Variants in ATP11B observed in about 807,000 individuals in gnomAD.
ATP11B encodes ATPase phospholipid transporting 11B (putative).
In ATP11B, 81 loss-of-function variants were observed where a neutral mutation model predicts 157.8. The ratio of observed to expected loss-of-function variants is 0.51; its 90% CI spans 0.43 to 0.62. The LOEUF is 0.62. ATP11B is among the 20% of genes least tolerant of loss of function. The pLI, the probability that ATP11B is intolerant of heterozygous loss-of-function variation, is 0.00. For missense variants in ATP11B, 1,165 were observed against 1,402.2 expected, an observed-to-expected ratio of 0.83 and a Z score of 2.70; for synonymous variants, 451 against 469.4, an observed-to-expected ratio of 0.96 and a Z score of 0.51.
At chr3:182,871,135 CA>C (rs899201722) in intron 17 of ATP11B, among the ~76,000 whole-genome samples, 18 of 151,592 alleles carry the variant, frequency 1.2e-4, no homozygotes, top group Non-Finnish European at 2.5e-4. Flanking sequence ...CCCATCTCTA[CA>C]AAAAAATAAA....
At chr3:182,889,196 A>G (rs1723003435) in intron 24 of ATP11B, among the ~76,000 whole-genome samples, 1 of 152,182 alleles carries the variant, frequency 6.6e-6, no homozygotes, top group Admixed American at 6.5e-5. Flanking sequence ...AATATGTTTG[A>G]ATGTAGTATG....
At chr3:182,906,608 C>G (rs1204784659) in intron 28 of ATP11B, among the ~76,000 whole-genome samples, 1 of 152,062 alleles carries the variant, frequency 6.6e-6, no homozygotes, top group East Asian at 1.9e-4. Flanking sequence ...TCCCACCATG[C>G]CCAGGTAGTT....
At chr3:182,857,301 A>T (rs1720478314) in intron 10 of ATP11B, among the ~76,000 whole-genome samples, 1 of 151,970 alleles carries the variant, frequency 6.6e-6, no homozygotes, top group African/African-American at 2.4e-5. Flanking sequence ...GCCCGTCACC[A>T]CGCCCAGCTA....
chr3:182,890,808 G>C (rs946871230), intron 25 of ATP11B, among the ~76,000 whole-genome samples: 3 of 152,136 alleles, frequency 2.0e-5, no homozygotes, highest in Non-Finnish European at 4.4e-5. Flanking sequence ...TCGCATGTTA[G>C]AAAATTAACC....
chr3:182,848,617 T>C, intron 10 of ATP11B, 60 bp downstream of exon 10: 1 of 838,856 alleles, frequency 1.2e-6, no homozygotes, highest in Non-Finnish European at 1.7e-6. Context: ...TTTATTCGTT[T>C]GGTATAAAAT....
intron 3 of ATP11B, among the ~76,000 whole-genome samples, chr3:182,828,475 G>A (rs1392138228): frequency 1.3e-5 from 2 of 151,982 alleles, no homozygotes; most frequent in South Asian, 2.1e-4. Flanking sequence ...AGCTAAGAGT[G>A]TAACCTAATA....
At chr3:182,916,978 A>G (rs1442272804) in intron 29 of ATP11B, 1 of 983,878 alleles carries the variant, frequency 1.0e-6, no homozygotes, top group East Asian at 1.1e-4. Flanking sequence ...AATATATGTC[A>G]GACACAGTTC....
chr3:182,802,640 T>C (rs1359998225), intron 1 of ATP11B, among the ~76,000 whole-genome samples: 1 of 152,200 alleles, frequency 6.6e-6, no homozygotes, highest in Admixed American at 6.5e-5. Flanking sequence ...TATTGCGTTA[T>C]TCATGAGTGA....
chr3:182,827,981 A>G, intron 2 of ATP11B, 139 bp from the exon 3 acceptor site: 1 of 367,572 alleles, frequency 2.7e-6, no homozygotes, highest in Non-Finnish European at 5.0e-6. Flanking sequence ...TCTAAAAGCC[A>G]GATGGTTTCT....
At chr3:182,799,635 G>A (rs964628471) in intron 1 of ATP11B, among the ~76,000 whole-genome samples, 1 of 152,116 alleles carries the variant, frequency 6.6e-6, no homozygotes, top group East Asian at 1.9e-4. Context: ...TACTAGAAAT[G>A]TGCATTTTTA....
chr3:182,814,096 C>G (rs555978703), intron 1 of ATP11B, among the ~76,000 whole-genome samples: 75 of 151,808 alleles, frequency 4.9e-4, no homozygotes, highest in African/African-American at 1.8e-3. Flanking sequence ...GAGTTTTGCT[C>G]TTGTCACCCA....
At chr3:182,822,123 TA>T (rs1717394053) in intron 2 of ATP11B, among the ~76,000 whole-genome samples, 1 of 151,186 alleles carries the variant, frequency 6.6e-6, no homozygotes. Context: ...TTTTTTTTTT[TA>T]AATTATTATT....
chr3:182,917,074 A>G (rs1178295426), intron 29 of ATP11B: 3 of 985,246 alleles, frequency 3.0e-6, no homozygotes, highest in East Asian at 2.3e-4. Context: ...TAGTCGAATT[A>G]AAGTTGAGCT....
At chr3:182,829,222 A>G (rs1249096099) in intron 3 of ATP11B, among the ~76,000 whole-genome samples, 1 of 152,208 alleles carries the variant, frequency 6.6e-6, no homozygotes, top group Non-Finnish European at 1.5e-5. Context: ...GTAAAGGAAC[A>G]TCATTTTCCT....
chr3:182,887,096 T>C (rs949775272), intron 23 of ATP11B, among the ~76,000 whole-genome samples: 1 of 152,168 alleles, frequency 6.6e-6, no homozygotes, highest in Non-Finnish European at 1.5e-5. Flanking sequence ...TGTGACTGTT[T>C]AGAGGAGCAA....
intron 3 of ATP11B, among the ~76,000 whole-genome samples, chr3:182,828,455 C>T (rs1717876741): frequency 6.6e-6 from 1 of 151,952 alleles, no homozygotes; most frequent in Non-Finnish European, 1.5e-5. Flanking sequence ...CTTAGATTAA[C>T]CATAATCTTA....
At chr3:182,841,651 A>G (rs747714361) in intron 7 of ATP11B, among the ~76,000 whole-genome samples, 1 of 152,246 alleles carries the variant, frequency 6.6e-6, no homozygotes, top group Non-Finnish European at 1.5e-5. Flanking sequence ...TGGACCATTC[A>G]TATATACAAA....
chr3:182,897,555 G>T, intron 27 of ATP11B, 149 bp downstream of exon 27: 1 of 484,880 alleles, frequency 2.1e-6, no homozygotes, highest in Non-Finnish European at 3.5e-6. Context: ...GATATGGAGA[G>T]GAAAAAACTA....
At chr3:182,812,095 A>T (rs1185010415) in intron 1 of ATP11B, among the ~76,000 whole-genome samples, 1 of 152,064 alleles carries the variant, frequency 6.6e-6, no homozygotes, top group Non-Finnish European at 1.5e-5. Flanking sequence ...ATCTTTTTTT[A>T]CTTCAATACA....
Sources: gnomAD v4.1 joint callset for allele counts (sites outside exome capture counted in the v4.1 genomes callset) on GRCh38, gnomAD v4.1.1 for gene constraint, MANE v1.5 for transcripts, NCBI Gene and HGNC (gene_info 2026-07-23, HGNC 2026-07-21) for gene names.